GON4L: variants seen among roughly 807,000 people sequenced by gnomAD.
GON4L encodes the protein gon-4 like.
A neutral mutation model predicts 211.8 loss-of-function variants in GON4L; 87 were observed. That is an observed-to-expected ratio of 0.41 (90% CI 0.35 to 0.49). The LOEUF (loss-of-function observed/expected upper bound fraction) is 0.49, where lower values mean the gene tolerates loss of function less well. GON4L is among the 20% of genes least tolerant of loss of function. GON4L has a pLI of 0.15. For missense variants in GON4L, 2,155 were observed against 2,659.5 expected (o/e 0.81, Z 4.17); for synonymous variants, 875 against 962.6 (o/e 0.91, Z 1.68).
chr1:155,747,902 T>G, downstream of GON4L: 2 of 1,565,514 alleles, frequency 1.3e-6, no homozygotes. Context: ...GTGGGGTGAG[T>G]GGAACTTGGA....
At chr1:155,800,988 T>C (rs1345340815) in intron 11 of GON4L, among the ~76,000 whole-genome samples, 1 of 151,866 alleles carries the variant, frequency 6.6e-6, no homozygotes, top group African/African-American at 2.4e-5. Context: ...ACAATGAATT[T>C]CTCTGAGATT....
chr1:155,834,162 T>G (rs1670079571), intron 2 of GON4L, among the ~76,000 whole-genome samples: 1 of 152,082 alleles, frequency 6.6e-6, no homozygotes, highest in Non-Finnish European at 1.5e-5. Context: ...TAATGTCCTT[T>G]CCCCAACAAA....
intron 1 of GON4L, among the ~76,000 whole-genome samples, chr1:155,854,586 T>C (rs1434427493): frequency 1.3e-5 from 2 of 152,238 alleles, no homozygotes; most frequent in South Asian, 2.1e-4. Context: ...TTACTCAACC[T>C]GAATCTCAGT....
intron 14 of GON4L, among the ~76,000 whole-genome samples, chr1:155,781,639 T>C (rs1470106778): frequency 6.6e-6 from 1 of 151,742 alleles, no homozygotes; most frequent in Non-Finnish European, 1.5e-5. Context: ...ATTTTTTTAT[T>C]TTTAGTAGAG....
intron 10 of GON4L, among the ~76,000 whole-genome samples, chr1:155,807,185 G>C (rs1667213574): frequency 1.3e-5 from 2 of 151,614 alleles, no homozygotes; most frequent in South Asian, 2.1e-4. Flanking sequence ...AAGATCGCTT[G>C]AGTCTAGGAG....
chr1:155,843,113 C>A (rs1320204405), intron 2 of GON4L, among the ~76,000 whole-genome samples: 1 of 152,132 alleles, frequency 6.6e-6, no homozygotes, highest in Non-Finnish European at 1.5e-5. Flanking sequence ...ACCACCTCCT[C>A]CTGAGAAACA....
At chr1:155,757,447 G>A (rs749065353) in intron 25 of GON4L, 124 bp from the exon 26 acceptor site, 1 of 825,994 alleles carries the variant, frequency 1.2e-6, no homozygotes, top group African/African-American at 1.7e-5. Context: ...CAGAGACTCT[G>A]CCTGGTAACA....
At chr1:155,851,025 G>T (rs1278270420) in intron 2 of GON4L, among the ~76,000 whole-genome samples, 3 of 116,026 alleles carry the variant, frequency 2.6e-5, no homozygotes, top group African/African-American at 3.3e-5. Flanking sequence ...CTGCACTCCA[G>T]CCTGGCAACA....
chr1:155,776,798 C>T (rs556646409), intron 15 of GON4L, among the ~76,000 whole-genome samples: 2 of 152,268 alleles, frequency 1.3e-5, no homozygotes, highest in South Asian at 2.1e-4. Flanking sequence ...AGCAATCCTC[C>T]CACCTCAGCC....
intron 6 of GON4L, among the ~76,000 whole-genome samples, chr1:155,819,061 G>A (rs888465156): frequency 9.2e-5 from 14 of 152,030 alleles, no homozygotes; most frequent in Admixed American, 3.9e-4. Context: ...AGGCCAAGGC[G>A]GGCAGATGAT....
intron 11 of GON4L, among the ~76,000 whole-genome samples, chr1:155,799,168 C>T (rs1391427294): frequency 6.6e-6 from 1 of 152,196 alleles, no homozygotes; most frequent in Non-Finnish European, 1.5e-5. Flanking sequence ...GGCGTGGTGG[C>T]TCACGCCTGT....
chr1:155,754,344 A>G, intron 28 of GON4L, 31 bp downstream of exon 28: 1 of 1,305,044 alleles, frequency 7.7e-7, no homozygotes, highest in Non-Finnish European at 1.1e-6. Flanking sequence ...AGCAGCTCTG[A>G]TACCCTCGGG....
chr1:155,794,063 T>C (rs2101985414), intron 12 of GON4L, among the ~76,000 whole-genome samples: 1 of 152,252 alleles, frequency 6.6e-6, no homozygotes, highest in South Asian at 2.1e-4. Context: ...TTCCTACTGA[T>C]TTACTGCTTA....
chr1:155,836,355 TCTC>T (rs1670312499), intron 2 of GON4L, among the ~76,000 whole-genome samples: 1 of 151,418 alleles, frequency 6.6e-6, no homozygotes, highest in Non-Finnish European at 1.5e-5. Context: ...TTCAAGCGAT[TCTC>T]CTGCTTTCAG....
chr1:155,833,556 G>A (rs925725149), intron 2 of GON4L, among the ~76,000 whole-genome samples: 3 of 132,396 alleles, frequency 2.3e-5, no homozygotes, highest in Non-Finnish European at 4.6e-5. Flanking sequence ...TGAGGCAGAA[G>A]AATGGCGTGA....
At chr1:155,771,363 A>G in intron 18 of GON4L, 146 bp from the exon 19 acceptor site, 3 of 1,032,282 alleles carry the variant, frequency 2.9e-6, no homozygotes, top group Non-Finnish European at 4.3e-6. Context: ...GTGCAGTGGC[A>G]CCATCGCAGC....
At chr1:155,817,282 C>T (rs1448020966) in intron 6 of GON4L, among the ~76,000 whole-genome samples, 1 of 152,184 alleles carries the variant, frequency 6.6e-6, no homozygotes, top group African/African-American at 2.4e-5. Context: ...GTGTGAGCCA[C>T]CACATCTAGC....
In GON4L at chr1:155,813,711, C is replaced by T; in HGVS notation, c.1375G>A (p.Asp459Asn). Residue 459 changes from aspartate to asparagine, a missense_variant, in exon 10 of 32, where the codon GAT becomes AAT. Coordinates refer to ENST00000368331, the MANE Select transcript of GON4L (RefSeq NM_001282860.2). ...TGTAACTTCTCCATGAAAGTACTAT[C>T]TCTGGTCTGTTTCGGCTTTGGAGGG... ...PPPPKPKQTRDSTFMEKLHAV... is the reference protein window; with the variant it reads ...PPPPKPKQTRNSTFMEKLHAV... 6.2e-7 allele frequency: 1 copy of T among 1,613,770 alleles called. No individual in the cohort carries two copies. Among genetic ancestry groups the T allele is most frequent in the South Asian group, 1.1e-5 (1 of 91,074 alleles).
intron 27 of GON4L, 104 bp from the exon 28 acceptor site, chr1:155,754,592 C>T (rs1035495210): frequency 1.9e-5 from 13 of 679,662 alleles, no homozygotes; most frequent in Admixed American, 5.5e-5. Context: ...TGCAGTGGCA[C>T]GATGTCAGCT....
Sources: allele counts gnomAD v4.1 joint callset (sites outside exome capture counted in the v4.1 genomes callset), GRCh38; gene constraint gnomAD v4.1.1; transcripts MANE v1.5; gene names NCBI Gene and HGNC (gene_info 2026-07-23, HGNC 2026-07-21).